The following LNPEP variants were observed in gnomAD, a reference collection of about 807,000 sequenced individuals.
The protein encoded by LNPEP is leucyl-cystinyl aminopeptidase.
A neutral mutation model predicts 120.6 loss-of-function variants in LNPEP; 64 were observed. That is an observed-to-expected ratio of 0.53 (90% CI 0.43 to 0.65). LNPEP has a LOEUF of 0.65. Ranked by LOEUF, LNPEP falls within the 30% of genes least tolerant of loss-of-function variation. The pLI, the probability that LNPEP is intolerant of heterozygous loss-of-function variation, is 0.00. For missense variants in LNPEP, 1,057 were observed against 1,200.0 expected, an observed-to-expected ratio of 0.88 and a Z score of 1.76; for synonymous variants, 435 against 425.4, an observed-to-expected ratio of 1.02 and a Z score of -0.28.
chr5:96,942,566 A>G (rs576793492), intron 1 of LNPEP, among the ~76,000 whole-genome samples: 2 of 151,808 alleles, frequency 1.3e-5, no homozygotes, highest in East Asian at 1.9e-4. Context: ...AGGCACAAGA[A>G]TCACTTGGAC....
At chr5:96,945,434 A>T (rs1789165512) in intron 1 of LNPEP, among the ~76,000 whole-genome samples, 1 of 151,714 alleles carries the variant, frequency 6.6e-6, no homozygotes, top group Admixed American at 6.6e-5. Flanking sequence ...AGAGATCAGA[A>T]AGGTCTTTTT....
chr5:96,996,484 T>C lies in LNPEP; in HGVS notation c.1502T>C (p.Ile501Thr). ...TFMEYFSLEK[I>T]FKELSSYEDF... is the part of the protein sequence containing the mutation. ...ATGGAGTATTTCTCTTTGGAAAAAATATTCAAAGAGCTTTCTAGTGTAAGT... is the reference window on the plus strand; with the variant it reads ...ATGGAGTATTTCTCTTTGGAAAAAACATTCAAAGAGCTTTCTAGTGTAAGT... Residue 501 changes from isoleucine to threonine, a missense_variant, in exon 7 of 18, where the codon ATA becomes ACA. By Grantham distance (89) the Ile-to-Thr change is moderately conservative. Transcript: ENST00000231368. The C allele has an allele frequency of 6.3e-7, 1 of 1,590,138 alleles. No individual in the cohort carries two copies. Among genetic ancestry groups the C allele is most frequent in the Non-Finnish European group, 8.6e-7 (1 of 1,159,170 alleles).
chr5:97,010,670 T>G, intron 11 of LNPEP: 1 of 985,258 alleles, frequency 1.0e-6, no homozygotes, highest in Non-Finnish European at 1.2e-6. Flanking sequence ...GTTAGATTAC[T>G]TCATCTGGGC....
chr5:96,985,865 A>G (rs756049346), intron 3 of LNPEP, among the ~76,000 whole-genome samples: 2 of 151,874 alleles, frequency 1.3e-5, no homozygotes, highest in South Asian at 2.1e-4. Flanking sequence ...CCAGCAGGCT[A>G]TGGAGCCAAT....
intron 13 of LNPEP, among the ~76,000 whole-genome samples, chr5:97,016,411 G>C (rs987828648): frequency 9.9e-5 from 15 of 152,052 alleles, no homozygotes; most frequent in African/African-American, 3.6e-4. Context: ...ATCACACAGT[G>C]CCAAGGTAGA....
At chr5:96,980,385 G>A (rs961229057) in intron 2 of LNPEP, among the ~76,000 whole-genome samples, 1 of 152,028 alleles carries the variant, frequency 6.6e-6, no homozygotes, top group Non-Finnish European at 1.5e-5. Flanking sequence ...CAGAAAGAGG[G>A]CATGAAGAAG....
intron 1 of LNPEP, among the ~76,000 whole-genome samples, chr5:96,938,078 T>G (rs772299150): frequency 2.6e-5 from 4 of 152,248 alleles, no homozygotes; most frequent in Non-Finnish European, 5.9e-5. Context: ...AATTAAATGT[T>G]AGCAATTTGA....
intron 8 of LNPEP, among the ~76,000 whole-genome samples, chr5:97,002,307 C>T (rs371475994): frequency 7.2e-5 from 11 of 151,924 alleles, no homozygotes; most frequent in African/African-American, 1.9e-4. Flanking sequence ...GAGTTGGTAA[C>T]GAGGAGGGTG....
intron 1 of LNPEP, among the ~76,000 whole-genome samples, chr5:96,969,493 T>C (rs1486239696): frequency 6.6e-6 from 1 of 152,084 alleles, no homozygotes; most frequent in African/African-American, 2.4e-5. Flanking sequence ...GCTGGGCTTG[T>C]TAAAAGATCT....
intron 1 of LNPEP, among the ~76,000 whole-genome samples, chr5:96,974,272 A>G (rs1433194197): frequency 6.6e-6 from 1 of 152,102 alleles, no homozygotes; most frequent in Non-Finnish European, 1.5e-5. Context: ...AGCTCTGGGC[A>G]GATGTCTTTG....
chr5:96,965,593 A>G (rs1789707632), intron 1 of LNPEP, among the ~76,000 whole-genome samples: 1 of 152,180 alleles, frequency 6.6e-6, no homozygotes, highest in African/African-American at 2.4e-5. Flanking sequence ...TTTAACTAAC[A>G]TAAATCAGCT....
intron 11 of LNPEP, among the ~76,000 whole-genome samples, chr5:97,007,573 A>T (rs1322412954): frequency 1.3e-5 from 2 of 152,188 alleles, no homozygotes; most frequent in Non-Finnish European, 2.9e-5. Flanking sequence ...AAACCTTGAA[A>T]ATGGAGAGCA....
chr5:96,954,972 C>G (rs1191646400), intron 1 of LNPEP, among the ~76,000 whole-genome samples: 3 of 148,420 alleles, frequency 2.0e-5, no homozygotes, highest in Admixed American at 6.7e-5. Flanking sequence ...TTAGTAGAGA[C>G]GGGGTTTCAC....
intron 1 of LNPEP, among the ~76,000 whole-genome samples, chr5:96,956,665 T>C (rs894723230): frequency 6.6e-6 from 1 of 152,238 alleles, no homozygotes; most frequent in East Asian, 1.9e-4. Context: ...AATTGGTACA[T>C]TGATGTCTTT....
At chr5:96,978,033 C>T (rs1256274006) in intron 1 of LNPEP, among the ~76,000 whole-genome samples, 1 of 151,996 alleles carries the variant, frequency 6.6e-6, no homozygotes, top group African/African-American at 2.4e-5. Flanking sequence ...AAATAGAATA[C>T]TTGCCATTTT....
rs1275200137 is a variant in LNPEP, at chr5:96,954,772, A to ATATTTTTTT, written c.19+18599_19+18600insATTTTTTTT. On this transcript the variant is annotated intron_variant, in intron 1 of 17. Transcript: ENST00000231368. ...CACATATATATATATATATATATAT[A>ATATTTTTTT]TTTTTTTTTTTTTTTTTTTTTTTTT... Among the ~76,000 whole-genome samples, 13 of 27,106 alleles carry ATATTTTTTT rather than the reference A, an allele frequency of 4.8e-4. 2 individuals are homozygous for ATATTTTTTT. Among genetic ancestry groups the ATATTTTTTT allele is most frequent in the Non-Finnish European group, 8.2e-4 (12 of 14,722 alleles). The allele number at this position is 27,106 out of a possible 152,430, so 17.8% of individuals were successfully genotyped here.
At chr5:96,951,267 G>GT (rs1396364385) in intron 1 of LNPEP, among the ~76,000 whole-genome samples, 1 of 151,634 alleles carries the variant, frequency 6.6e-6, no homozygotes, top group Non-Finnish European at 1.5e-5. Context: ...TTTTTTGGCG[G>GT]GGGGCGCGGG....
chr5:97,004,831 A>G (rs1002515484), intron 9 of LNPEP, among the ~76,000 whole-genome samples: 1 of 152,150 alleles, frequency 6.6e-6, no homozygotes, highest in East Asian at 1.9e-4. Flanking sequence ...CTGATCATAT[A>G]GTAGTATTTC....
intron 12 of LNPEP, 45 bp downstream of exon 12, chr5:97,013,876 G>A: frequency 7.4e-7 from 1 of 1,345,708 alleles, no homozygotes; most frequent in Non-Finnish European, 1.0e-6. Context: ...TTAAACAAAT[G>A]TCATTGAGGT....
Sources: gnomAD v4.1 joint callset for allele counts (sites outside exome capture counted in the v4.1 genomes callset) on GRCh38, gnomAD v4.1.1 for gene constraint, MANE v1.5 for transcripts, NCBI Gene and HGNC (gene_info 2026-07-23, HGNC 2026-07-21) for gene names.